LIPK: variants seen among roughly 807,000 people sequenced by gnomAD.
The protein encoded by LIPK is lipase member K.
In LIPK, 32 loss-of-function variants were observed where a neutral mutation model predicts 48.6. That is an observed-to-expected ratio of 0.66 (90% CI 0.50 to 0.88). The LOEUF is 0.88. Ranked by LOEUF, LIPK falls within the 40% of genes least tolerant of loss-of-function variation. The pLI is 0.00. For synonymous variants in LIPK, 164 were observed against 157.4 expected (o/e 1.04, Z -0.32); for missense variants, 507 against 478.5 (o/e 1.06, Z -0.56).
intron 6 of LIPK, 88 bp from the exon 7 acceptor site, chr10:88,737,547 A>G: frequency 7.4e-7 from 1 of 1,355,612 alleles, no homozygotes; most frequent in East Asian, 2.3e-5. Flanking sequence ...GTCACCTAAT[A>G]CTGTGCAGTC....
chr10:88,733,317 G>T (rs555413792), intron 6 of LIPK, among the ~76,000 whole-genome samples: 1 of 152,246 alleles, frequency 6.6e-6, no homozygotes, highest in Middle Eastern at 3.4e-3. Context: ...TGCATGGGTT[G>T]GTGTGTTTTC....
In LIPK at chr10:88,752,537, C is replaced by T. The variant is rs1177444028; in HGVS notation, c.981C>T (p.Asn327=). The T allele has an allele frequency of 1.3e-6, 2 of 1,553,936 alleles. No homozygotes were observed. The highest frequency in any genetic ancestry group is 1.2e-5 in the South Asian group (1 of 84,644). The change falls in exon 10 of 10, where the codon AAC becomes AAT. Residue 327 remains asparagine (N), a synonymous_variant. Transcript: ENST00000404190. ...HFHQLTPPLY[N]ITKMEVPTAI... ...TTTAGCTTACACCTCCTTTATACAA[C>T]ATTACTAAGATGGAAGTTCCAACAG...
intron 1 of LIPK, among the ~76,000 whole-genome samples, chr10:88,717,320 T>C (rs1842138060): frequency 1.3e-5 from 2 of 152,180 alleles, no homozygotes; most frequent in African/African-American, 2.4e-5. Context: ...TTTAGAAACA[T>C]AGCAGAAGAT....
At position 88,711,275 on chromosome 10, in the gene LIPK, T is replaced by C. The variant is rs189619112; in HGVS notation, c.-12+4955T>C. Among the ~76,000 whole-genome samples, 104 of 152,330 alleles carry C rather than the reference T, an allele frequency of 6.8e-4. 2 individuals are homozygous for C. The East Asian group carries it at 0.014, about 21-fold the overall frequency. On this transcript the variant is annotated intron_variant, in intron 1 of 9. Transcript: ENST00000404190. ...TTTTATTATTGCATATATTTTAATG[T>C]GAATAACGTGATGTTTTGCTATATA...
At chr10:88,743,395 C>A (rs1330153302) in intron 9 of LIPK, 74 bp downstream of exon 9, 2 of 1,053,888 alleles carry the variant, frequency 1.9e-6, no homozygotes, top group Non-Finnish European at 2.9e-6. Context: ...TCATGAAGCA[C>A]CTGCCACTTC....
chr10:88,744,613 T>C (rs756947687), intron 9 of LIPK, among the ~76,000 whole-genome samples: 10 of 152,068 alleles, frequency 6.6e-5, no homozygotes, highest in Non-Finnish European at 1.5e-4. Flanking sequence ...CTTCAAAGAA[T>C]ATAAAAGCAA....
intron 4 of LIPK, 133 bp from the exon 5 acceptor site, chr10:88,732,045 C>T (rs376699777): frequency 7.1e-5 from 39 of 549,844 alleles, no homozygotes; most frequent in African/African-American, 6.7e-4. Context: ...GCATAGTTGC[C>T]TAATATCATA....
At chr10:88,744,659 A>T (rs995289215) in intron 9 of LIPK, among the ~76,000 whole-genome samples, 3 of 152,246 alleles carry the variant, frequency 2.0e-5, no homozygotes, top group Non-Finnish European at 4.4e-5. Context: ...TTCAAAGATT[A>T]AAGGAATATC....
intron 9 of LIPK, among the ~76,000 whole-genome samples, chr10:88,743,937 C>T (rs1419423942): frequency 6.6e-6 from 1 of 152,158 alleles, no homozygotes; most frequent in Non-Finnish European, 1.5e-5. Context: ...GGGGAGTTGG[C>T]AGGGACAGGA....
intron 6 of LIPK, among the ~76,000 whole-genome samples, 181 bp downstream of exon 6, chr10:88,732,732 G>C (rs551645486): frequency 9.3e-4 from 142 of 152,334 alleles, no homozygotes; most frequent in African/African-American, 3.4e-3. Flanking sequence ...AACTCCCCCT[G>C]TTGCTAATCT....
chr10:88,739,926 T>C, intron 7 of LIPK, 70 bp from the exon 8 acceptor site: 1 of 903,856 alleles, frequency 1.1e-6, no homozygotes. Flanking sequence ...ACTTTTTAAA[T>C]TTCTCTCAAA....
intron 1 of LIPK, among the ~76,000 whole-genome samples, chr10:88,708,599 C>T (rs1016865188): frequency 1.3e-5 from 2 of 151,960 alleles, no homozygotes; most frequent in African/African-American, 4.8e-5. Context: ...TGCTAAGGTG[C>T]ACTTTATGGC....
chr10:88,742,771 A>T lies in LIPK; in HGVS notation c.889-479A>T, dbSNP rs532912097. ...GAATATTTCTTTTAATAGTAAAAAAAAAAAGTTTAAGGATAGGGAATATAA... is the reference window on the plus strand; with the variant it reads ...GAATATTTCTTTTAATAGTAAAAAATAAAAGTTTAAGGATAGGGAATATAA... On this transcript the variant is annotated intron_variant, in intron 8 of 9. Transcript: ENST00000404190. 5.7e-4 allele frequency among the ~76,000 whole-genome samples: 87 copies of T among 152,140 alleles called. 1 individual carries two copies. Among genetic ancestry groups the T allele is most frequent in the African/African-American group, 1.8e-3 (75 of 41,500 alleles).
At chr10:88,739,917 CTT>C in intron 7 of LIPK, 77 bp from the exon 8 acceptor site, 1 of 841,114 alleles carries the variant, frequency 1.2e-6, no homozygotes, top group African/African-American at 1.7e-5. Context: ...AAAGAAGAAA[CTT>C]TTTAAATTTC....
intron 7 of LIPK, among the ~76,000 whole-genome samples, chr10:88,738,887 T>A (rs368327809): frequency 2.8e-4 from 42 of 152,326 alleles, no homozygotes; most frequent in African/African-American, 8.4e-4. Flanking sequence ...CAGGGGTACA[T>A]AAGTAATATT....
intron 3 of LIPK, 87 bp from the exon 4 acceptor site, chr10:88,730,896 T>TCC (rs1842451007): frequency 3.2e-6 from 4 of 1,245,922 alleles, no homozygotes; most frequent in African/African-American, 3.1e-5. Flanking sequence ...AACCTTTCTT[T>TCC]TATACTACAG....
chr10:88,731,337 G>A (rs1842463510), intron 4 of LIPK, among the ~76,000 whole-genome samples, 156 bp downstream of exon 4: 1 of 152,124 alleles, frequency 6.6e-6, no homozygotes, highest in Non-Finnish European at 1.5e-5. Flanking sequence ...TTTCTTCACA[G>A]GCTCTAAAGA....
intron 9 of LIPK, among the ~76,000 whole-genome samples, chr10:88,750,386 A>C (rs1284932359): frequency 6.6e-6 from 1 of 152,218 alleles, no homozygotes. Flanking sequence ...CACAATAGCA[A>C]AGACATGGAA....
intron 2 of LIPK, 90 bp from the exon 3 acceptor site, chr10:88,726,705 A>G (rs1004747095): frequency 1.4e-6 from 1 of 730,686 alleles, no homozygotes. Context: ...ACAAACAAAC[A>G]AACAGACAAA....
Sources: allele counts gnomAD v4.1 joint callset (sites outside exome capture counted in the v4.1 genomes callset), GRCh38; gene constraint gnomAD v4.1.1; transcripts MANE v1.5; gene names NCBI Gene and HGNC (gene_info 2026-07-23, HGNC 2026-07-21).